The following ZEB2 variants were observed in gnomAD, a reference collection of about 807,000 sequenced individuals.
ZEB2 encodes zinc finger E-box-binding homeobox 2.
Under a neutral mutation model 99.9 loss-of-function variants are expected in ZEB2, and 6 were observed. The ratio of observed to expected loss-of-function variants is 0.06; its 90% CI spans 0.03 to 0.12. ZEB2 has a LOEUF of 0.12. Among genes scored for constraint, ZEB2 ranks in the 10% least tolerant of loss-of-function variants. The pLI is 1.00. For missense variants in ZEB2, 969 were observed against 1,502.8 expected, an observed-to-expected ratio of 0.64 and a Z score of 5.87; for synonymous variants, 517 against 542.5, an observed-to-expected ratio of 0.95 and a Z score of 0.65.
chr2:144,488,232 T>A (rs1007065373), intron 2 of ZEB2, among the ~76,000 whole-genome samples: 4 of 152,342 alleles, frequency 2.6e-5, no homozygotes, highest in African/African-American at 9.6e-5. Flanking sequence ...ACCATATTGA[T>A]CAAACTGAAC....
chr2:144,415,628 C>G (rs555357883), intron 4 of ZEB2, among the ~76,000 whole-genome samples: 1 of 152,220 alleles, frequency 6.6e-6, no homozygotes, highest in Non-Finnish European at 1.5e-5. Flanking sequence ...GGTCAACAAA[C>G]TCCTTAATTC....
intron 2 of ZEB2, among the ~76,000 whole-genome samples, chr2:144,468,570 G>C (rs1704306563): frequency 6.6e-6 from 1 of 152,040 alleles, no homozygotes; most frequent in Admixed American, 6.6e-5. Context: ...GAGATGCTTT[G>C]ATTCTTGAAG....
intron 2 of ZEB2, among the ~76,000 whole-genome samples, chr2:144,433,289 A>C (rs781257410): frequency 1.3e-5 from 2 of 152,224 alleles, no homozygotes; most frequent in Non-Finnish European, 2.9e-5. Context: ...CTCTCACAGT[A>C]GTCTTCAGAG....
intron 2 of ZEB2, among the ~76,000 whole-genome samples, chr2:144,501,190 C>T (rs1183387136): frequency 1.3e-5 from 2 of 152,138 alleles, no homozygotes; most frequent in Non-Finnish European, 2.9e-5. Context: ...TTCAGGAATA[C>T]CCTAGCCTAA....
intron 7 of ZEB2, among the ~76,000 whole-genome samples, chr2:144,400,707 G>T (rs775607832): frequency 2.0e-5 from 3 of 152,190 alleles, no homozygotes; most frequent in Non-Finnish European, 4.4e-5. Flanking sequence ...GTAATAAAAT[G>T]CTTGGCAGAG....
chr2:144,456,118 T>G (rs1229447660), intron 2 of ZEB2, among the ~76,000 whole-genome samples: 1 of 109,258 alleles, frequency 9.2e-6, no homozygotes, highest in Non-Finnish European at 1.9e-5. Context: ...TGTTCCATTG[T>G]TTTTTTTTTT....
At chr2:144,415,582 C>T (rs1445207011) in intron 4 of ZEB2, among the ~76,000 whole-genome samples, 1 of 152,206 alleles carries the variant, frequency 6.6e-6, no homozygotes, top group Admixed American at 6.5e-5. Flanking sequence ...GCCATTCCTG[C>T]TTTCATTTGT....
At chr2:144,450,717 C>T (rs999145995) in intron 2 of ZEB2, among the ~76,000 whole-genome samples, 2 of 152,124 alleles carry the variant, frequency 1.3e-5, no homozygotes, top group Non-Finnish European at 2.9e-5. Context: ...ACTCAGTCAC[C>T]CAGGCTGGAG....
chr2:144,407,571 C>T (rs187141059), intron 4 of ZEB2, among the ~76,000 whole-genome samples: 8 of 152,178 alleles, frequency 5.3e-5, no homozygotes, highest in Non-Finnish European at 5.9e-5. Flanking sequence ...CAAAAAATCA[C>T]CTTTTACTTT....
At chr2:144,448,029 C>T (rs920389119) in intron 2 of ZEB2, among the ~76,000 whole-genome samples, 1 of 152,108 alleles carries the variant, frequency 6.6e-6, no homozygotes, top group Admixed American at 6.5e-5. Context: ...ACATGTAAAG[C>T]ACCTAGAGAC....
intron 2 of ZEB2, among the ~76,000 whole-genome samples, chr2:144,470,166 TA>T (rs1057296766): frequency 6.6e-6 from 1 of 152,220 alleles, no homozygotes; most frequent in African/African-American, 2.4e-5. Flanking sequence ...TGAAAGATGC[TA>T]TTTAATCTCT....
At chr2:144,455,434 T>A (rs1207121521) in intron 2 of ZEB2, among the ~76,000 whole-genome samples, 1 of 152,166 alleles carries the variant, frequency 6.6e-6, no homozygotes, top group Non-Finnish European at 1.5e-5. Context: ...TATCTGCTAC[T>A]TCATTGAAAG....
chr2:144,396,439 G>A lies in ZEB2; in HGVS notation c.3040C>T (p.Leu1014Phe). 1 of 1,613,876 alleles carries A rather than the reference G, an allele frequency of 6.2e-7. No individual in the cohort carries two copies. Among genetic ancestry groups the A allele is most frequent in the Non-Finnish European group, 8.5e-7 (1 of 1,179,996 alleles). ...GTGTGTTCGTATTTATGTCGCAGAA[G>A]GGAACTGCTTTTCTGGAATGTCTTG... ...CDKTFQKSSS[L>F]LRHKYEHTGK... Residue 1014 changes from leucine to phenylalanine, a missense_variant, in exon 9 of 10, where the codon CTT (leucine) becomes TTT (phenylalanine). Around this residue, in one of 8 missense-constraint regions of ZEB2, gnomAD observed 17 missense variants for 116.9 expected, o/e 0.15. Transcript: ENST00000627532.
At chr2:144,481,641 A>C (rs1156862113) in intron 2 of ZEB2, among the ~76,000 whole-genome samples, 1 of 152,224 alleles carries the variant, frequency 6.6e-6, no homozygotes, top group African/African-American at 2.4e-5. Flanking sequence ...GAATCTACAA[A>C]AAATTTTTGA....
At chr2:144,517,486 A>C in intron 1 of ZEB2, 67 bp from the exon 2 acceptor site, 1 of 1,121,080 alleles carries the variant, frequency 8.9e-7, no homozygotes, top group Non-Finnish European at 1.3e-6. Flanking sequence ...CGGGCCGCCC[A>C]GGGGAGCCGG....
intron 1 of ZEB2, chr2:144,517,853 G>GAAAC (rs1000769082): frequency 4.4e-5 from 23 of 526,302 alleles, no homozygotes; most frequent in Middle Eastern, 1.0e-3. Context: ...ATTCCCAGAG[G>GAAAC]AAACAAACAA....
chr2:144,445,083 A>G (rs1300197049), intron 2 of ZEB2: 1 of 152,190 alleles, frequency 6.6e-6, no homozygotes, highest in Non-Finnish European at 1.5e-5. Context: ...CACTCCTGGA[A>G]GCCTGACAGT....
At chr2:144,511,855 C>G in intron 2 of ZEB2, 1 of 1,287,174 alleles carries the variant, frequency 7.8e-7, no homozygotes, top group South Asian at 1.2e-5. Context: ...CTTCCCTCTG[C>G]TCTGAATTAT....
In ZEB2 at chr2:144,387,267, G is replaced by A. The variant is rs546354893; in HGVS notation, c.*2184C>T. The A allele has an allele frequency of 6.6e-6, 1 of 152,036 alleles. No homozygotes were observed. The highest frequency in any genetic ancestry group is 2.1e-4 in the South Asian group (1 of 4,812). The allele number at this position is 152,036 out of a possible 1,614,324, so 9.4% of individuals were successfully genotyped here. ...GATTCTAAAGTAGAAAAAATACATG[G>A]ACAGCTACTATATTATAGTTCTGTA... On this transcript the variant is annotated 3_prime_UTR_variant, in exon 10 of 10. Transcript: ENST00000627532.
Sources: gnomAD v4.1 joint callset for allele counts (sites outside exome capture counted in the v4.1 genomes callset) on GRCh38, gnomAD v4.1.1 for gene constraint, gnomAD v4.1.1 regional missense constraint, MANE v1.5 for transcripts, NCBI Gene and HGNC (gene_info 2026-07-23, HGNC 2026-07-21) for gene names.